Variants in SLIT2 observed in about 807,000 individuals in gnomAD.
The protein encoded by SLIT2 is slit homolog 2 protein.
SLIT2 carries 41 observed loss-of-function variants against 185.7 expected under a neutral mutation model. The observed-to-expected ratio is 0.22, with a 90% CI of 0.17 to 0.29. The LOEUF (loss-of-function observed/expected upper bound fraction) is 0.29, where lower values mean the gene tolerates loss of function less well. Among genes scored for constraint, SLIT2 ranks in the 10% least tolerant of loss-of-function variants. SLIT2 has a pLI of 1.00. For missense variants in SLIT2, 1,571 were observed against 1,909.0 expected, an observed-to-expected ratio of 0.82 and a Z score of 3.30; for synonymous variants, 693 against 680.2, an observed-to-expected ratio of 1.02 and a Z score of -0.29.
intron 4 of SLIT2, among the ~76,000 whole-genome samples, chr4:20,431,725 G>A (rs533787081): frequency 2.0e-5 from 3 of 152,302 alleles, no homozygotes; most frequent in South Asian, 2.1e-4. Context: ...GTCGAGGTCC[G>A]CTGTAACATT....
chr4:20,442,338 T>C (rs777635492), intron 4 of SLIT2, among the ~76,000 whole-genome samples: 16 of 151,888 alleles, frequency 1.1e-4, no homozygotes, highest in Non-Finnish European at 1.9e-4. Context: ...GCTAACATGG[T>C]GAAACCCTGT....
intron 34 of SLIT2, among the ~76,000 whole-genome samples, chr4:20,613,108 C>T (rs1296775736): frequency 1.3e-5 from 2 of 151,986 alleles, no homozygotes; most frequent in Non-Finnish European, 2.9e-5. Flanking sequence ...TTCCTAAAGA[C>T]CTAAAAATAG....
chr4:20,585,913 G>A lies in SLIT2; in HGVS notation c.3089-3731G>A, dbSNP rs557860170. On this transcript the variant is annotated intron_variant, in intron 29 of 36. Coordinates refer to ENST00000504154, the MANE Select transcript of SLIT2 (RefSeq NM_004787.4). ...TGGCATCATGTCCTCACAATACTAT[G>A]AGGTTTGGGGGAACTTTTCAATATT... 2.0e-5 allele frequency among the ~76,000 whole-genome samples: 3 copies of A among 152,298 alleles called. No individual in the cohort carries two copies. In the East Asian group the frequency reaches 5.8e-4, roughly 29 times the overall value.
chr4:20,326,727 G>T lies in SLIT2; in HGVS notation c.395+57846G>T, dbSNP rs902227591. Among the ~76,000 whole-genome samples, 6 of 98,392 alleles carry T rather than the reference G, an allele frequency of 6.1e-5. No individual in the cohort carries two copies. The East Asian group carries it at 1.4e-3, about 22-fold the overall frequency. The allele number at this position is 98,392 out of a possible 152,430, so 64.5% of individuals were successfully genotyped here. Reference sequence around the variant, plus strand: ...TAATTTGCCCTTATTTGTTTGACATGTTGAAAGCATTCTGAAACCTTTTTT... The same window carrying T: ...TAATTTGCCCTTATTTGTTTGACATTTTGAAAGCATTCTGAAACCTTTTTT... On this transcript the variant is annotated intron_variant, in intron 4 of 36. Coordinates refer to ENST00000504154, the MANE Select transcript of SLIT2 (RefSeq NM_004787.4).
In SLIT2 at chr4:20,533,660, C is replaced by T. The variant is rs139887501; in HGVS notation, c.1777C>T (p.Arg593Cys). 1.3e-5 allele frequency: 21 copies of T among 1,613,280 alleles called. No individual in the cohort carries two copies. The highest frequency in any genetic ancestry group is 1.1e-4 in the African/African-American group (8 of 74,884). Residue 593 changes from arginine (R) to cysteine (C), a missense_variant, in exon 18 of 37, where the codon CGT becomes TGT. Arg to Cys is a radical substitution (Grantham distance 180). Transcript: ENST00000504154. ...AAATGAAATACTTCTTACGAGTAATCGTTTGGAAAATGTGCAGCATAAGAT... is the reference window on the plus strand; with the variant it reads ...AAATGAAATACTTCTTACGAGTAATTGTTTGGAAAATGTGCAGCATAAGAT... ...GVNEILLTSN[R>C]LENVQHKMFK...
chr4:20,380,165 G>C (rs1250335325), intron 4 of SLIT2, among the ~76,000 whole-genome samples: 1 of 152,088 alleles, frequency 6.6e-6, no homozygotes, highest in Non-Finnish European at 1.5e-5. Flanking sequence ...CAAGACAGCA[G>C]GTAGAGTCCT....
chr4:20,264,911 CAT>C (rs1712870608), intron 3 of SLIT2, among the ~76,000 whole-genome samples: 1 of 151,922 alleles, frequency 6.6e-6, no homozygotes, highest in African/African-American at 2.4e-5. Context: ...GGTGATGACA[CAT>C]GACTTATATA....
chr4:20,617,751 A>G, intron 36 of SLIT2, 101 bp downstream of exon 36: 2 of 731,938 alleles, frequency 2.7e-6, no homozygotes, highest in Non-Finnish European at 4.4e-6. Context: ...AAAAAAAAAC[A>G]GGAGCAACAG....
At chr4:20,536,348 G>A (rs555292490) in intron 18 of SLIT2, among the ~76,000 whole-genome samples, 1 of 152,044 alleles carries the variant, frequency 6.6e-6, no homozygotes, top group South Asian at 2.1e-4. Context: ...TTGAGGTCAG[G>A]AGTTCCAGGA....
At chr4:20,447,613 A>G (rs558930192) in intron 4 of SLIT2, among the ~76,000 whole-genome samples, 1 of 152,344 alleles carries the variant, frequency 6.6e-6, no homozygotes, top group East Asian at 1.9e-4. Flanking sequence ...AAACGGTTGC[A>G]AACTGTTTGA....
At chr4:20,429,097 A>C (rs547277668) in intron 4 of SLIT2, among the ~76,000 whole-genome samples, 1 of 152,170 alleles carries the variant, frequency 6.6e-6, no homozygotes, top group Non-Finnish European at 1.5e-5. Flanking sequence ...AAGCTGCTTC[A>C]TGGGGATCAG....
chr4:20,317,927 G>A (rs1718738911), intron 4 of SLIT2, among the ~76,000 whole-genome samples: 2 of 152,058 alleles, frequency 1.3e-5, no homozygotes, highest in Admixed American at 6.6e-5. Context: ...AAGGATTTCT[G>A]TTGGATTTCT....
intron 4 of SLIT2, among the ~76,000 whole-genome samples, chr4:20,403,597 T>G (rs1381103370): frequency 1.3e-5 from 2 of 152,024 alleles, no homozygotes; most frequent in African/African-American, 4.8e-5. Flanking sequence ...GAGCGTTCAG[T>G]GCTCATGACT....
chr4:20,527,667 C>T (rs915619951), intron 15 of SLIT2, among the ~76,000 whole-genome samples: 1 of 152,118 alleles, frequency 6.6e-6, no homozygotes, highest in African/African-American at 2.4e-5. Flanking sequence ...GTGAGACCAC[C>T]GTGCTTCAAA....
chr4:20,425,707 G>T (rs374656631), intron 4 of SLIT2, among the ~76,000 whole-genome samples: 2 of 152,088 alleles, frequency 1.3e-5, no homozygotes, highest in African/African-American at 4.8e-5. Flanking sequence ...TCAACTTTAA[G>T]CCCCTAGGAA....
chr4:20,467,713 A>G (rs777081554), intron 4 of SLIT2, 39 bp from the exon 5 acceptor site: 13 of 1,243,788 alleles, frequency 1.0e-5, no homozygotes, highest in South Asian at 5.5e-5. Context: ...TTTAAATAAT[A>G]TTTTCTAACG....
At chr4:20,512,389 A>C (rs1441127608) in intron 11 of SLIT2, among the ~76,000 whole-genome samples, 1 of 152,192 alleles carries the variant, frequency 6.6e-6, no homozygotes, top group African/African-American at 2.4e-5. Context: ...AAAACAAAAA[A>C]CACTACAGTT....
In SLIT2 at chr4:20,288,335, C is replaced by T. The variant is rs150493583; in HGVS notation, c.395+19454C>T. Among the ~76,000 whole-genome samples, 937 of 152,220 alleles carry T rather than the reference C, an allele frequency of 6.2e-3. 2 individuals are homozygous for T. The highest frequency in any genetic ancestry group is 0.01 in the Middle Eastern group (3 of 294). ...TACCTCATTGGCTTGTTGTGAAGAT[C>T]GAATGAGTCTGTGAGGTCAGTGAAG... On this transcript the variant is annotated intron_variant, in intron 4 of 36. Transcript: ENST00000504154.
intron 4 of SLIT2, among the ~76,000 whole-genome samples, chr4:20,287,842 C>A (rs1176947411): frequency 6.6e-6 from 1 of 152,084 alleles, no homozygotes; most frequent in Admixed American, 6.5e-5. Flanking sequence ...TGGATAAATA[C>A]TTGCTAAATA....
Sources: gnomAD v4.1 joint callset for allele counts (sites outside exome capture counted in the v4.1 genomes callset) on GRCh38, gnomAD v4.1.1 for gene constraint, MANE v1.5 for transcripts, NCBI Gene and HGNC (gene_info 2026-07-23, HGNC 2026-07-21) for gene names.